Variants in DNAJC8 observed in about 807,000 individuals in gnomAD.
DNAJC8 encodes DnaJ heat shock protein family (Hsp40) member C8, also known as dnaJ homolog subfamily C member 8.
A neutral mutation model predicts 43.2 loss-of-function variants in DNAJC8; 24 were observed. That is an observed-to-expected ratio of 0.56 (90% CI 0.40 to 0.78). DNAJC8 has a LOEUF of 0.78. Ranked by LOEUF, DNAJC8 falls within the 30% of genes least tolerant of loss-of-function variation. The pLI, the probability that DNAJC8 is intolerant of heterozygous loss-of-function variation, is 0.00. For synonymous variants in DNAJC8, 83 were observed against 98.0 expected, an observed-to-expected ratio of 0.85 and a Z score of 0.90; for missense variants, 207 against 299.4, an observed-to-expected ratio of 0.69 and a Z score of 2.28.
At chr1:28,209,387 C>G (rs1307030872) in intron 5 of DNAJC8, among the ~76,000 whole-genome samples, 1 of 152,120 alleles carries the variant, frequency 6.6e-6, no homozygotes, top group Non-Finnish European at 1.5e-5. Flanking sequence ...GTTAAAAGAC[C>G]TTTCTTACCT....
intron 2 of DNAJC8, among the ~76,000 whole-genome samples, chr1:28,223,627 C>G (rs1031065948): frequency 6.6e-6 from 1 of 151,378 alleles, no homozygotes; most frequent in African/African-American, 2.4e-5. Context: ...TATAATCAAT[C>G]CCAGTACTTT....
intron 1 of DNAJC8, among the ~76,000 whole-genome samples, chr1:28,231,306 C>T (rs185913341): frequency 6.6e-6 from 1 of 152,262 alleles, no homozygotes; most frequent in Admixed American, 6.5e-5. Flanking sequence ...AGAGGTTGTG[C>T]ATTCCAGCTT....
At chr1:28,206,389 A>G (rs1407602195) in intron 6 of DNAJC8, among the ~76,000 whole-genome samples, 1 of 152,006 alleles carries the variant, frequency 6.6e-6, no homozygotes, top group Non-Finnish European at 1.5e-5. Flanking sequence ...CACTTGGATT[A>G]TAGGTATGAG....
chr1:28,206,360 C>G (rs1572059934), intron 6 of DNAJC8, among the ~76,000 whole-genome samples: 2 of 152,058 alleles, frequency 1.3e-5, no homozygotes, highest in East Asian at 1.9e-4. Context: ...AAAAGATCCT[C>G]CTACTTCAGC....
At position 28,232,971 on chromosome 1, in the gene DNAJC8, A is replaced by C; in HGVS notation, c.28T>G (p.Ser10Ala). MAASGESGT[S>A]GGGGSTEEAF... ...TCCTCGGTGCTGCCTCCGCCGCCTGAAGTCCCGCTCTCTCCTGAAGCCGCC... is the reference window on the plus strand; with the variant it reads ...TCCTCGGTGCTGCCTCCGCCGCCTGCAGTCCCGCTCTCTCCTGAAGCCGCC... Residue 10 changes from serine to alanine, a missense_variant, in exon 1 of 9, where the codon TCA (serine) becomes GCA (alanine). By Grantham distance (99) the Ser-to-Ala change is moderately conservative. Coordinates refer to ENST00000263697, the MANE Select transcript of DNAJC8 (RefSeq NM_014280.3). The C allele has an allele frequency of 6.2e-7, 1 of 1,612,956 alleles. No individual in the cohort carries two copies. Among genetic ancestry groups the C allele is most frequent in the African/African-American group, 1.3e-5 (1 of 74,980 alleles).
At chr1:28,218,635 GT>G (rs1175687442) in intron 2 of DNAJC8, among the ~76,000 whole-genome samples, 1 of 151,878 alleles carries the variant, frequency 6.6e-6, no homozygotes, top group Non-Finnish European at 1.5e-5. Context: ...GCCAGGCACA[GT>G]GGCTCACGCC....
At chr1:28,231,347 ATAAAT>A (rs1304147997) in intron 1 of DNAJC8, among the ~76,000 whole-genome samples, 3 of 152,216 alleles carry the variant, frequency 2.0e-5, no homozygotes, top group Non-Finnish European at 4.4e-5. Context: ...CTCAAAATAA[ATAAAT>A]TAAATTAAAT....
At chr1:28,203,605 G>T in intron 8 of DNAJC8, 142 bp downstream of exon 8, 1 of 795,726 alleles carries the variant, frequency 1.3e-6, no homozygotes, top group Non-Finnish European at 2.2e-6. Context: ...GGCTGAGGCA[G>T]GCCCAGCCTC....
chr1:28,219,456 C>A (rs2149020806), intron 2 of DNAJC8, among the ~76,000 whole-genome samples: 1 of 152,122 alleles, frequency 6.6e-6, no homozygotes, highest in East Asian at 1.9e-4. Flanking sequence ...TTGCAGTGAG[C>A]CGAGATCGTG....
chr1:28,216,643 A>T (rs1367840368), intron 2 of DNAJC8, among the ~76,000 whole-genome samples: 5 of 148,910 alleles, frequency 3.4e-5, no homozygotes, highest in Non-Finnish European at 6.0e-5. Flanking sequence ...TTCTTGAGTT[A>T]AAAAAAAAAC....
chr1:28,210,538 C>CT (rs1342938538), intron 4 of DNAJC8, 33 bp downstream of exon 4: 2 of 1,586,200 alleles, frequency 1.3e-6, no homozygotes, highest in Admixed American at 1.7e-5. Flanking sequence ...CATTCACAAT[C>CT]TAATACTCAG....
chr1:28,215,500 C>T (rs934206324), intron 2 of DNAJC8, among the ~76,000 whole-genome samples: 1 of 152,106 alleles, frequency 6.6e-6, no homozygotes, highest in Admixed American at 6.6e-5. Context: ...TGATTCCAAC[C>T]CCATAGAGCA....
intron 2 of DNAJC8, among the ~76,000 whole-genome samples, chr1:28,219,978 TTC>T (rs1486872231): frequency 1.6e-4 from 25 of 151,528 alleles, no homozygotes; most frequent in African/African-American, 6.1e-4. Flanking sequence ...TGCCCGGCCT[TTC>T]TATTCTTTCT....
intron 5 of DNAJC8, among the ~76,000 whole-genome samples, chr1:28,209,189 G>A (rs1379967800): frequency 6.6e-6 from 1 of 152,122 alleles, no homozygotes; most frequent in Non-Finnish European, 1.5e-5. Context: ...TCCAACACAT[G>A]ACCCGCAGGA....
rs536500767 is a variant in DNAJC8 at position 28,200,393 on chromosome 1, T to C, written c.*855A>G. 4.5e-6 allele frequency: 2 copies of C among 442,898 alleles called. No individual in the cohort carries two copies. The highest frequency in any genetic ancestry group is 7.0e-5 in the East Asian group (1 of 14,326). 27.4% of individuals were successfully genotyped at this position (442,898 alleles called of 1,614,324 possible). ...TATGGTAGTTACCTTGTATATGCCA[T>C]GGCAAATCTGCCCTAAAAGCTGCTG... On this transcript the variant is annotated 3_prime_UTR_variant, in exon 9 of 9. Coordinates refer to ENST00000263697, the MANE Select transcript of DNAJC8 (RefSeq NM_014280.3).
chr1:28,201,176 G>A lies in DNAJC8; in HGVS notation c.*72C>T. On this transcript the variant is annotated 3_prime_UTR_variant, in exon 9 of 9. Transcript: ENST00000263697. ...ACTCTATGTTGGGGTGGAAGTGGGA[G>A]GAAAGAATGAGTCCTTCGAAGCAGG... is the stretch of plus-strand genomic sequence containing the variant. The A allele has an allele frequency of 6.3e-7, 1 of 1,597,620 alleles. No homozygotes were observed. Among genetic ancestry groups the A allele is most frequent in the South Asian group, 1.1e-5 (1 of 90,428 alleles).
chr1:28,207,065 C>A (rs906456189), intron 6 of DNAJC8, among the ~76,000 whole-genome samples: 11 of 120,586 alleles, frequency 9.1e-5, no homozygotes, highest in African/African-American at 4.4e-4. Context: ...CTTTTATAAT[C>A]AGGAAAAAAA....
chr1:28,205,606 G>A (rs1316118897), intron 6 of DNAJC8, among the ~76,000 whole-genome samples: 1 of 152,200 alleles, frequency 6.6e-6, no homozygotes, highest in East Asian at 1.9e-4. Context: ...CTAGCGTGCA[G>A]GCCAGGCGCA....
In DNAJC8 at chr1:28,228,922, C is replaced by T; in HGVS notation, c.180G>A (p.Glu60=). 1 of 1,612,248 alleles carries T rather than the reference C, an allele frequency of 6.2e-7. No homozygotes were observed. Among genetic ancestry groups the T allele is most frequent in the Non-Finnish European group, 8.5e-7 (1 of 1,179,752 alleles). ...GSSYFNLNPF[E]VLQIDPEVTD... ...GCCCTAGCAACATCAATCGGCTCAC[C>T]TCAAATGGGTTCAAATTGAAGTAAG... The change falls in exon 2 of 9, where the codon GAG becomes GAA. Residue 60 remains glutamate, a splice_region_variant and synonymous_variant. Coordinates refer to ENST00000263697, the MANE Select transcript of DNAJC8 (RefSeq NM_014280.3).
Sources: allele counts gnomAD v4.1 joint callset (sites outside exome capture counted in the v4.1 genomes callset), GRCh38; gene constraint gnomAD v4.1.1; transcripts MANE v1.5; gene names NCBI Gene and HGNC (gene_info 2026-07-23, HGNC 2026-07-21).